KLF12: variants seen among roughly 807,000 people sequenced by gnomAD.
The protein encoded by KLF12 is KLF transcription factor 12.
KLF12 carries 9 observed loss-of-function variants against 37.8 expected under a neutral mutation model. The ratio of observed to expected loss-of-function variants is 0.24; its 90% CI spans 0.14 to 0.42. KLF12 has a LOEUF of 0.42. KLF12 is among the 10% of genes least tolerant of loss of function. The pLI is 1.00. For missense variants in KLF12, 411 were observed against 516.0 expected, an observed-to-expected ratio of 0.80 and a Z score of 1.97; for synonymous variants, 208 against 202.1, an observed-to-expected ratio of 1.03 and a Z score of -0.25.
rs1566330873 is a variant in KLF12, at chr13:73,738,048, TAC to T, written c.870-22525_870-22524del. Among the ~76,000 whole-genome samples the T allele has an allele frequency of 2.1e-5, 3 of 143,514 alleles. No individual in the cohort carries two copies. The East Asian group carries it at 6.5e-4, about 31-fold the overall frequency. 94.2% of individuals were successfully genotyped at this position (143,514 alleles called of 152,430 possible). A position where few individuals can be genotyped will look rare whatever the true frequency, so the allele number is the denominator to read the frequency against. On this transcript the variant is annotated intron_variant, in intron 6 of 7. Coordinates refer to ENST00000377669, the MANE Select transcript of KLF12 (RefSeq NM_007249.5). Reference sequence around the variant, plus strand: ...ACACACACACACACACACACACACATACGTGTGTATATATATATATACACACA... The same window carrying T: ...ACACACACACACACACACACACACATGTGTGTATATATATATATACACACA...
chr13:74,018,296 C>T (rs1194750428), intron 1 of KLF12, among the ~76,000 whole-genome samples: 1 of 152,006 alleles, frequency 6.6e-6, no homozygotes, highest in East Asian at 1.9e-4. Flanking sequence ...ATGGTGGTTA[C>T]CAGAAGCTGG....
intron 1 of KLF12, among the ~76,000 whole-genome samples, chr13:74,087,276 C>T (rs1053520769): frequency 7.9e-5 from 12 of 151,958 alleles, no homozygotes; most frequent in African/African-American, 2.4e-4. Context: ...GACCGAACGT[C>T]GACACAGGTC....
chr13:73,786,907 G>A (rs894345066), intron 5 of KLF12, among the ~76,000 whole-genome samples: 5 of 151,908 alleles, frequency 3.3e-5, no homozygotes, highest in South Asian at 2.1e-4. Context: ...CTTGGGCGAC[G>A]GAGTGAGGCC....
chr13:74,287,388 G>GAGAGAGAGAGAA, the KLF12 span, among the ~76,000 whole-genome samples: 1 of 151,226 alleles, frequency 6.6e-6, no homozygotes, highest in Non-Finnish European at 1.5e-5. Flanking sequence ...GAGAGAGAGA[G>GAGAGAGAGAGAA]AGAGAGAATC....
intron 2 of KLF12, among the ~76,000 whole-genome samples, chr13:73,966,662 C>T (rs1056935887): frequency 6.6e-6 from 1 of 152,184 alleles, no homozygotes; most frequent in African/African-American, 2.4e-5. Context: ...GTAGTCAATT[C>T]CTTACATTTG....
chr13:73,949,540 T>C (rs1231865253), intron 2 of KLF12, among the ~76,000 whole-genome samples: 1 of 152,242 alleles, frequency 6.6e-6, no homozygotes, highest in Non-Finnish European at 1.5e-5. Context: ...CTTCATTTGC[T>C]ACCCAGCTTT....
the KLF12 span, among the ~76,000 whole-genome samples, chr13:74,158,387 C>G: frequency 6.6e-6 from 1 of 152,200 alleles, no homozygotes; most frequent in South Asian, 2.1e-4. Context: ...CCAGAGTGAC[C>G]TGCCGGTGTT....
chr13:73,853,737 TA>T (rs10715902), intron 3 of KLF12, among the ~76,000 whole-genome samples: 85,630 of 139,536 alleles, frequency 0.61, 27,133 homozygotes, highest in Non-Finnish European at 0.74. Context: ...AGACCCTGTC[TA>T]AAAAAAAAAA....
At chr13:73,867,455 G>A (rs1369618573) in intron 3 of KLF12, among the ~76,000 whole-genome samples, 1 of 151,394 alleles carries the variant, frequency 6.6e-6, no homozygotes, top group East Asian at 1.9e-4. Flanking sequence ...ACATATATAT[G>A]TCAATTTATA....
intron 1 of KLF12, among the ~76,000 whole-genome samples, chr13:74,092,650 GA>G (rs1875744939): frequency 1.3e-5 from 2 of 150,502 alleles, no homozygotes; most frequent in South Asian, 4.2e-4. Flanking sequence ...ACAAAAAAAA[GA>G]AAAAAGAAAA....
At chr13:74,128,974 AAGAT>A (rs1878107341) in intron 1 of KLF12, among the ~76,000 whole-genome samples, 1 of 152,156 alleles carries the variant, frequency 6.6e-6, no homozygotes. Context: ...AAAACATATA[AAGAT>A]AAATACTAAA....
chr13:74,181,628 G>A, the KLF12 span, among the ~76,000 whole-genome samples: 1 of 151,262 alleles, frequency 6.6e-6, no homozygotes, highest in Non-Finnish European at 1.5e-5. Context: ...GAACCCAGGA[G>A]GCAGAGGTTG....
rs1259738162 is a variant in KLF12, at chr13:73,738,018, AACAAAC to A, written c.870-22499_870-22494del. ...TAACTTCCTTAAATACACTTCATTC[AACAAAC>A]ACACACACACACACACACACACATA... is the stretch of plus-strand genomic sequence containing the variant. On this transcript the variant is annotated intron_variant, in intron 6 of 7. Transcript: ENST00000377669. Among the ~76,000 whole-genome samples, 328 of 56,842 alleles carry A rather than the reference AACAAAC, an allele frequency of 5.8e-3. 3 individuals carry two copies. Among genetic ancestry groups the A allele is most frequent in the African/African-American group, 0.024 (223 of 9,138 alleles). 37.3% of individuals were successfully genotyped at this position (56,842 alleles called of 152,430 possible).
intron 5 of KLF12, among the ~76,000 whole-genome samples, chr13:73,777,470 A>G (rs1482026434): frequency 6.6e-6 from 1 of 152,202 alleles, no homozygotes; most frequent in Non-Finnish European, 1.5e-5. Context: ...GAAGTTTGGG[A>G]GGCTGAAGGA....
At chr13:74,242,591 A>C in the KLF12 span, among the ~76,000 whole-genome samples, 1 of 152,230 alleles carries the variant, frequency 6.6e-6, no homozygotes, top group Non-Finnish European at 1.5e-5. Flanking sequence ...GACATAGCCA[A>C]ATGATATCAA....
intron 6 of KLF12, among the ~76,000 whole-genome samples, chr13:73,719,607 CT>C (rs967206467): frequency 1.2e-3 from 169 of 143,162 alleles, no homozygotes; most frequent in African/African-American, 1.1e-3. Context: ...CCCCGAGTTG[CT>C]TTTTTTTTTT....
At chr13:74,060,609 C>A (rs1044790568) in intron 1 of KLF12, among the ~76,000 whole-genome samples, 4 of 151,334 alleles carry the variant, frequency 2.6e-5, no homozygotes, top group Non-Finnish European at 4.4e-5. Context: ...GAATTTTGTA[C>A]ACTGGTTTTG....
intron 4 of KLF12, among the ~76,000 whole-genome samples, chr13:73,831,147 A>T (rs61274824): frequency 0.016 from 2,467 of 152,296 alleles, 61 homozygotes; most frequent in African/African-American, 0.056. Context: ...TTGGATATTT[A>T]AAACTGACAC....
At chr13:74,188,983 A>C in the KLF12 span, among the ~76,000 whole-genome samples, 1 of 152,114 alleles carries the variant, frequency 6.6e-6, no homozygotes, top group Admixed American at 6.6e-5. Flanking sequence ...GGGGTTCTTG[A>C]GACAGCAAGA....
Sources: gnomAD v4.1 joint callset for allele counts (sites outside exome capture counted in the v4.1 genomes callset) on GRCh38, gnomAD v4.1.1 for gene constraint, MANE v1.5 for transcripts, NCBI Gene and HGNC (gene_info 2026-07-23, HGNC 2026-07-21) for gene names.